Variants in MKLN1 observed in about 807,000 individuals in gnomAD.
The protein encoded by MKLN1 is muskelin 1, also known as muskelin.
Under a neutral mutation model 99.0 loss-of-function variants are expected in MKLN1, and 18 were observed. The observed-to-expected ratio is 0.18, with a 90% CI of 0.13 to 0.27. MKLN1 has a LOEUF of 0.27. Ranked by LOEUF, MKLN1 falls within the 10% of genes least tolerant of loss-of-function variation. The pLI is 1.00. For synonymous variants in MKLN1, 288 were observed against 293.2 expected (o/e 0.98, Z 0.18); for missense variants, 621 against 875.9 (o/e 0.71, Z 3.67).
intron 2 of MKLN1, among the ~76,000 whole-genome samples, chr7:131,149,722 G>T (rs1177353510): frequency 6.6e-6 from 1 of 152,178 alleles, no homozygotes; most frequent in East Asian, 1.9e-4. Context: ...GGATGTACAT[G>T]TAATTAGAAC....
At chr7:131,206,826 G>T (rs1422373396) in intron 3 of MKLN1, among the ~76,000 whole-genome samples, 1 of 152,136 alleles carries the variant, frequency 6.6e-6, no homozygotes, top group African/African-American at 2.4e-5. Context: ...AAAGTGCTGG[G>T]ATTATGGGCA....
At chr7:131,249,047 T>C (rs1797538563) in intron 3 of MKLN1, among the ~76,000 whole-genome samples, 2 of 152,224 alleles carry the variant, frequency 1.3e-5, no homozygotes, top group African/African-American at 2.4e-5. Flanking sequence ...CATTTTCTCC[T>C]CTTACAATGA....
At chr7:131,483,427 A>G (rs1797180787) in intron 17 of MKLN1, among the ~76,000 whole-genome samples, 1 of 152,210 alleles carries the variant, frequency 6.6e-6, no homozygotes, top group African/African-American at 2.4e-5. Flanking sequence ...GTACAGAGTT[A>G]GGTTCCTACA....
intron 1 of MKLN1, among the ~76,000 whole-genome samples, chr7:131,350,485 C>CT (rs1799688588): frequency 4.6e-5 from 7 of 152,236 alleles, no homozygotes; most frequent in Admixed American, 4.6e-4. Flanking sequence ...CTCCAGGTCT[C>CT]TAAGGCTACA....
intron 3 of MKLN1, among the ~76,000 whole-genome samples, chr7:131,213,332 A>G (rs1169513520): frequency 6.6e-6 from 1 of 152,230 alleles, no homozygotes; most frequent in Non-Finnish European, 1.5e-5. Flanking sequence ...TCTTGCTTGA[A>G]TATATACAGG....
Position 131,146,079 on chromosome 7 carries a change from G to A in MKLN1, c.-297+3138G>A, listed in dbSNP as rs147602172. On this transcript the variant is annotated intron_variant, in intron 2 of 7. Transcript: ENST00000416992. Reference sequence around the variant, plus strand: ...CTCATTTTACAGATGAGAAAGTGAGGCTTAGAGGGATTAAGCAATTTGCCC... The same window carrying A: ...CTCATTTTACAGATGAGAAAGTGAGACTTAGAGGGATTAAGCAATTTGCCC... Among the ~76,000 whole-genome samples the A allele has an allele frequency of 2.0e-3, 302 of 152,338 alleles. 1 individual carries two copies. Among genetic ancestry groups the A allele is most frequent in the African/African-American group, 6.5e-3 (270 of 41,578 alleles).
chr7:131,230,955 T>C (rs1046041615), intron 3 of MKLN1, among the ~76,000 whole-genome samples: 1 of 151,724 alleles, frequency 6.6e-6, no homozygotes, highest in African/African-American at 2.4e-5. Flanking sequence ...ACCCCGTCTC[T>C]ACTAAAAATA....
At chr7:131,403,170 T>C (rs1235214301) in intron 6 of MKLN1, among the ~76,000 whole-genome samples, 1 of 152,200 alleles carries the variant, frequency 6.6e-6, no homozygotes, top group African/African-American at 2.4e-5. Flanking sequence ...TAGATATTAA[T>C]AACTTGCTGC....
intron 9 of MKLN1, among the ~76,000 whole-genome samples, chr7:131,436,006 A>C (rs1340990032): frequency 2.0e-5 from 3 of 152,130 alleles, no homozygotes; most frequent in African/African-American, 4.8e-5. Flanking sequence ...TTTACACTCT[A>C]TGCATTATGG....
At chr7:131,231,033 T>A (rs1206164231) in intron 3 of MKLN1, among the ~76,000 whole-genome samples, 2 of 147,648 alleles carry the variant, frequency 1.4e-5, no homozygotes, top group Non-Finnish European at 3.0e-5. Context: ...GGCACGAGAA[T>A]CGTTTGAACC....
chr7:131,224,755 G>C (rs1209396586), intron 3 of MKLN1, among the ~76,000 whole-genome samples: 2 of 151,698 alleles, frequency 1.3e-5, no homozygotes, highest in East Asian at 3.9e-4. Flanking sequence ...GAACATCTCA[G>C]GTTAGGATAA....
chr7:131,162,913 GT>G (rs1415798906), intron 2 of MKLN1, among the ~76,000 whole-genome samples: 3 of 152,172 alleles, frequency 2.0e-5, no homozygotes, highest in African/African-American at 7.2e-5. Context: ...ACTAGAAAAT[GT>G]TAAATCACAC....
At chr7:131,160,648 A>T (rs1796034556) in intron 2 of MKLN1, among the ~76,000 whole-genome samples, 1 of 148,738 alleles carries the variant, frequency 6.7e-6, no homozygotes, top group Non-Finnish European at 1.5e-5. Context: ...CCTCCTGAGT[A>T]GCTGGGACTA....
In MKLN1 at chr7:131,379,944, A is replaced by C. The variant is rs142653209; in HGVS notation, c.168+4451A>C. Among the ~76,000 whole-genome samples the C allele has an allele frequency of 2.5e-3, 385 of 152,318 alleles. 3 individuals carry two copies. The highest frequency in any genetic ancestry group is 8.8e-3 in the African/African-American group (364 of 41,566). ...GGCCACTTTTCTACTGAGTAGCCTA[A>C]AGAAGTTCTAAGAGATTAAGAAGCT... On this transcript the variant is annotated intron_variant, in intron 2 of 17. Transcript: ENST00000352689.
At position 131,487,367 on chromosome 7, in the gene MKLN1, A is replaced by G. The variant is rs1797310701; in HGVS notation, c.2087-240A>G. 6.6e-6 allele frequency among the ~76,000 whole-genome samples: 1 copy of G among 152,150 alleles called. No individual in the cohort carries two copies. Among genetic ancestry groups the G allele is most frequent in the South Asian group, 2.1e-4 (1 of 4,838 alleles). On this transcript the variant is annotated intron_variant, in intron 17 of 17. Transcript: ENST00000352689. The surrounding 1 kb of genome is among the most constrained non-coding windows in gnomAD (Gnocchi z 4.7). ...TCTGCACAATAACTGTATGAAGTAA[A>G]CAGGATTATCACATACTTACAGCTG...
intron 3 of MKLN1, among the ~76,000 whole-genome samples, chr7:131,311,855 A>C (rs34281554): frequency 0.45 from 67,756 of 151,492 alleles, 16,640 homozygotes; most frequent in Admixed American, 0.59. Context: ...TAAAAGGTGA[A>C]CTTTTTTTTA....
At chr7:131,280,233 G>A (rs573587339) in intron 3 of MKLN1, among the ~76,000 whole-genome samples, 1 of 152,064 alleles carries the variant, frequency 6.6e-6, no homozygotes, top group South Asian at 2.1e-4. Flanking sequence ...TTGTTTTCAC[G>A]TTAGGCCACT....
At chr7:131,346,711 G>A (rs1393418315) in intron 1 of MKLN1, among the ~76,000 whole-genome samples, 1 of 152,132 alleles carries the variant, frequency 6.6e-6, no homozygotes. Flanking sequence ...TTGCACTTTC[G>A]AATTACTTGT....
intron 3 of MKLN1, among the ~76,000 whole-genome samples, chr7:131,255,304 A>G (rs958159311): frequency 2.0e-5 from 3 of 152,206 alleles, no homozygotes; most frequent in Admixed American, 2.0e-4. Flanking sequence ...AACTCCAAAT[A>G]CAATAAACAC....
Sources: gnomAD v4.1 joint callset for allele counts (sites outside exome capture counted in the v4.1 genomes callset) on GRCh38, gnomAD v4.1.1 for gene constraint, Gnocchi (gnomAD v3.1) non-coding constraint, MANE v1.5 for transcripts, NCBI Gene and HGNC (gene_info 2026-07-23, HGNC 2026-07-21) for gene names.